The following CEMIP variants were observed in gnomAD, a reference collection of about 807,000 sequenced individuals.
The protein encoded by CEMIP is cell migration inducing hyaluronidase 1, also known as cell migration-inducing and hyaluronan-binding protein.
Under a neutral mutation model 156.9 loss-of-function variants are expected in CEMIP, and 105 were observed. The observed-to-expected ratio is 0.67, with a 90% CI of 0.57 to 0.79. CEMIP has a LOEUF of 0.79. Among genes scored for constraint, CEMIP ranks in the 30% least tolerant of loss-of-function variants. The probability of loss-of-function intolerance (pLI) is 0.00; values close to 1 mark genes in which losing one functional copy is unlikely to be tolerated. For synonymous variants in CEMIP, 676 were observed against 668.4 expected (o/e 1.01, Z -0.17); for missense variants, 1,457 against 1,769.4 (o/e 0.82, Z 3.17).
At chr15:80,936,594 T>C in intron 23 of CEMIP, 80 bp from the exon 24 acceptor site, 1 of 1,257,422 alleles carries the variant, frequency 8.0e-7, no homozygotes, top group East Asian at 2.3e-5. Flanking sequence ...GTGCGGTCTA[T>C]AGTCAGATGT....
At chr15:80,910,230 T>C (rs1175667153) in intron 14 of CEMIP, among the ~76,000 whole-genome samples, 1 of 152,202 alleles carries the variant, frequency 6.6e-6, no homozygotes, top group East Asian at 1.9e-4. Flanking sequence ...GTAGGATGAG[T>C]TGGCAATGCC....
rs758066873 is a variant in CEMIP at position 80,879,710 on chromosome 15, C to T, written c.242-6C>T. 8 of 1,614,200 alleles carry T rather than the reference C, an allele frequency of 5.0e-6. No homozygotes were observed. The South Asian group carries it at 8.8e-5, about 18-fold the overall frequency. ...ATTAAACCTCCCCCCAATGCTACCT[C>T]TTCAGGCAAGCTGGTCATTAAAGAC... On this transcript the variant is annotated splice_region_variant and splice_polypyrimidine_tract_variant and intron_variant, in intron 4 of 29. Transcript: ENST00000394685.
rs1901195089 is a variant in CEMIP, at chr15:80,937,935, G to C, written c.3363G>C (p.Gln1121His). The C allele has an allele frequency of 6.2e-7, 1 of 1,614,226 alleles. No individual in the cohort carries two copies. Among genetic ancestry groups the C allele is most frequent in the African/African-American group, 1.3e-5 (1 of 75,060 alleles). The change falls in exon 25 of 30, where the codon CAG (glutamine) becomes CAC (histidine). Residue 1121 changes from glutamine to histidine, a missense_variant. Physicochemically the swap from Gln to His is conservative, Grantham distance 24. This residue lies in a region of CEMIP where 798 missense variants were observed against 980.1 expected (regional missense o/e 0.81). Transcript: ENST00000394685. ...VRTLQMDKVE[Q>H]SYPGRSHYYW... is the part of the protein sequence containing the mutation. Reference sequence around the variant, plus strand: ...CCTTGCAGATGGACAAAGTGGAGCAGAGCTACCCTGGCAGGAGCCACTACT... The same window carrying C: ...CCTTGCAGATGGACAAAGTGGAGCACAGCTACCCTGGCAGGAGCCACTACT...
At chr15:80,919,676 G>T (rs796075939) in intron 14 of CEMIP, among the ~76,000 whole-genome samples, 20 of 152,192 alleles carry the variant, frequency 1.3e-4, no homozygotes, top group African/African-American at 4.3e-4. Context: ...TTAGCTGGGT[G>T]TGGGGGCGTG....
chr15:80,872,080 C>T (rs569622750), intron 1 of CEMIP, among the ~76,000 whole-genome samples: 162 of 152,294 alleles, frequency 1.1e-3, no homozygotes, highest in African/African-American at 3.9e-3. Context: ...GTGCTCCTTT[C>T]AGTCCCCTTG....
chr15:80,857,101 C>T (rs567271597), intron 1 of CEMIP, among the ~76,000 whole-genome samples: 1 of 152,230 alleles, frequency 6.6e-6, no homozygotes, highest in Non-Finnish European at 1.5e-5. Flanking sequence ...TAAAATCAAG[C>T]GTGCTCTTTC....
chr15:80,926,696 G>A (rs2141937277), intron 19 of CEMIP, among the ~76,000 whole-genome samples: 1 of 152,064 alleles, frequency 6.6e-6, no homozygotes, highest in East Asian at 1.9e-4. Flanking sequence ...AAGGCTTTTG[G>A]GTCCCCCAGC....
At chr15:80,888,844 AC>A in intron 9 of CEMIP, 48 bp downstream of exon 9, 1 of 1,398,110 alleles carries the variant, frequency 7.2e-7, no homozygotes, top group Non-Finnish European at 1.0e-6. Context: ...GGGATAGAAG[AC>A]CAGAAATCAC....
At chr15:80,863,319 A>G (rs1259859415) in intron 1 of CEMIP, among the ~76,000 whole-genome samples, 3 of 152,220 alleles carry the variant, frequency 2.0e-5, no homozygotes, top group Admixed American at 6.5e-5. Context: ...GAGCCGGCAA[A>G]TAGCCAGATT....
At chr15:80,811,421 G>A (rs989500830) in intron 1 of CEMIP, among the ~76,000 whole-genome samples, 1 of 152,186 alleles carries the variant, frequency 6.6e-6, no homozygotes, top group Non-Finnish European at 1.5e-5. Context: ...TGGATCAATG[G>A]CATTGATTTT....
intron 1 of CEMIP, among the ~76,000 whole-genome samples, chr15:80,788,648 T>C (rs1896005764): frequency 6.6e-6 from 1 of 152,232 alleles, no homozygotes; most frequent in African/African-American, 2.4e-5. Flanking sequence ...TCAAACATAG[T>C]GGCTAAGTAC....
intron 1 of CEMIP, among the ~76,000 whole-genome samples, chr15:80,843,282 C>T (rs751542596): frequency 3.3e-5 from 5 of 152,254 alleles, no homozygotes; most frequent in Non-Finnish European, 7.3e-5. Flanking sequence ...GCTAGTCTGA[C>T]TCCAGAGCCC....
At position 80,834,451 on chromosome 15, in the gene CEMIP, T is replaced by G. The variant is rs545689217; in HGVS notation, c.-175-39087T>G. Among the ~76,000 whole-genome samples, 23 of 152,360 alleles carry G rather than the reference T, an allele frequency of 1.5e-4. No individual in the cohort carries two copies. In the East Asian group the frequency reaches 4.4e-3, roughly 29 times the overall value. On this transcript the variant is annotated intron_variant, in intron 1 of 29. Transcript: ENST00000394685. ...AGCTACCATCTACATTGGGATTGAC[T>G]TTTTGCATGGCCAAAAGTAGAGTCA...
At chr15:80,920,607 C>A (rs959637427) in intron 15 of CEMIP, among the ~76,000 whole-genome samples, 3 of 152,194 alleles carry the variant, frequency 2.0e-5, no homozygotes, top group African/African-American at 7.2e-5. Flanking sequence ...GTGGCTGACA[C>A]CTCGCCTGCC....
chr15:80,834,513 A>G (rs1485605093), intron 1 of CEMIP, among the ~76,000 whole-genome samples: 4 of 152,258 alleles, frequency 2.6e-5, no homozygotes, highest in East Asian at 1.9e-4. Flanking sequence ...CAATTGACTC[A>G]GCAACTTTTA....
intron 28 of CEMIP, 120 bp downstream of exon 28, chr15:80,943,222 C>A: frequency 9.6e-7 from 1 of 1,040,668 alleles, no homozygotes; most frequent in Non-Finnish European, 1.5e-6. Flanking sequence ...CAGGCAGTCT[C>A]CACAGCCTGC....
At chr15:80,792,252 C>T (rs1303841509) in intron 1 of CEMIP, among the ~76,000 whole-genome samples, 2 of 152,158 alleles carry the variant, frequency 1.3e-5, no homozygotes, top group Non-Finnish European at 2.9e-5. Flanking sequence ...ATGAAGTATT[C>T]CAGGAAGGGC....
At chr15:80,814,192 G>A (rs1400262500) in intron 1 of CEMIP, among the ~76,000 whole-genome samples, 1 of 151,950 alleles carries the variant, frequency 6.6e-6, no homozygotes. Context: ...GGGACTACAG[G>A]TGCCCGCCAC....
chr15:80,881,226 G>GTTCTCCCA, intron 6 of CEMIP, 90 bp downstream of exon 6: 1 of 1,122,028 alleles, frequency 8.9e-7, no homozygotes. Context: ...TCTAGGTGCT[G>GTTCTCCCA]GGAGAACAGC....
Sources: allele counts gnomAD v4.1 joint callset (sites outside exome capture counted in the v4.1 genomes callset), GRCh38; gene constraint gnomAD v4.1.1; regional missense constraint gnomAD v4.1.1; transcripts MANE v1.5; gene names NCBI Gene and HGNC (gene_info 2026-07-23, HGNC 2026-07-21).